The following VGLL4 variants were observed in gnomAD, a reference collection of about 807,000 sequenced individuals.
The protein encoded by VGLL4 is transcription cofactor vestigial-like protein 4.
In VGLL4, 7 loss-of-function variants were observed where a neutral mutation model predicts 21.0. The ratio of observed to expected loss-of-function variants is 0.33; its 90% confidence interval spans 0.19 to 0.63. The LOEUF (loss-of-function observed/expected upper bound fraction) is 0.63, where lower values mean the gene tolerates loss of function less well. VGLL4 is among the 20% of genes least tolerant of loss of function. VGLL4 has a pLI of 0.78. For synonymous variants in VGLL4, 222 were observed against 173.2 expected, an observed-to-expected ratio of 1.28 and a Z score of -2.21; for missense variants, 394 against 425.7, an observed-to-expected ratio of 0.93 and a Z score of 0.66.
chr3:11,605,047 C>CA (rs1277939157), intron 1 of VGLL4, among the ~76,000 whole-genome samples: 5,969 of 100,942 alleles, frequency 0.059, 777 homozygotes, highest in Non-Finnish European at 0.089. Flanking sequence ...CCGCCACGCC[C>CA]CCGCCCACCC....
At chr3:11,571,567 C>T (rs776222222) in intron 2 of VGLL4, among the ~76,000 whole-genome samples, 1 of 152,012 alleles carries the variant, frequency 6.6e-6, no homozygotes, top group African/African-American at 2.4e-5. Flanking sequence ...GTAATCCCAG[C>T]TACTCAGGAG....
At chr3:11,661,271 A>G (rs1167116544) in intron 2 of VGLL4, among the ~76,000 whole-genome samples, 1 of 152,134 alleles carries the variant, frequency 6.6e-6, no homozygotes, top group Non-Finnish European at 1.5e-5. Flanking sequence ...ATCCACATTG[A>G]AAACTGAGTC....
chr3:11,718,781 C>A (rs1422795007), intron 1 of VGLL4, among the ~76,000 whole-genome samples: 1 of 152,120 alleles, frequency 6.6e-6, no homozygotes, highest in Non-Finnish European at 1.5e-5. Flanking sequence ...CACTTCCCCA[C>A]ACCCCTACCC....
intron 2 of VGLL4, among the ~76,000 whole-genome samples, chr3:11,566,902 A>G (rs2073559424): frequency 6.6e-6 from 1 of 152,198 alleles, no homozygotes; most frequent in African/African-American, 2.4e-5. Context: ...AATGAAGAGA[A>G]GCAGCATATG....
chr3:11,581,092 ACTCTTT>A (rs1264668796), intron 2 of VGLL4, among the ~76,000 whole-genome samples: 1 of 149,900 alleles, frequency 6.7e-6, no homozygotes, highest in Non-Finnish European at 1.5e-5. Context: ...AAAAAAGATA[ACTCTTT>A]CTCTGTCGCC....
At chr3:11,573,348 AAAG>A (rs2073922853) in intron 2 of VGLL4, among the ~76,000 whole-genome samples, 2 of 97,298 alleles carry the variant, frequency 2.1e-5, no homozygotes, top group East Asian at 3.4e-4. Context: ...AGAAAGAAAG[AAAG>A]AAAGAAAGAA....
upstream of VGLL4, among the ~76,000 whole-genome samples, chr3:11,645,618 A>T (rs943511390): frequency 6.7e-6 from 1 of 148,782 alleles, no homozygotes; most frequent in African/African-American, 2.5e-5. Flanking sequence ...AAAAAAAAAA[A>T]TCCAGCAATA....
chr3:11,709,509 G>A (rs916090569), intron 1 of VGLL4, among the ~76,000 whole-genome samples: 2 of 150,162 alleles, frequency 1.3e-5, no homozygotes, highest in Non-Finnish European at 3.0e-5. Context: ...ACCAGTTTCT[G>A]GTCTATCTAT....
rs777903359 is a variant in VGLL4 at position 11,568,647 on chromosome 3, C to G, written c.273-3628G>C. ...CTGGTTCCCGGAGCTTCAAGACAGA[C>G]ATTGTTTTCCAGGCCCCGCTCGCCC... On this transcript the variant is annotated intron_variant, in intron 2 of 4. Coordinates refer to ENST00000430365, the MANE Select transcript of VGLL4 (RefSeq NM_001128219.3). This position sits in a 1 kb window ranked among gnomAD's most constrained non-coding sequence, Gnocchi z 5.9. The G allele has an allele frequency of 1.3e-6, 2 of 1,566,636 alleles. No homozygotes were observed. Among genetic ancestry groups the G allele is most frequent in the South Asian group, 2.3e-5 (2 of 85,264 alleles).
At chr3:11,570,002 T>A (rs1253008029) in intron 2 of VGLL4, among the ~76,000 whole-genome samples, 1 of 152,144 alleles carries the variant, frequency 6.6e-6, no homozygotes, top group Non-Finnish European at 1.5e-5. Context: ...CTCTGCTAAT[T>A]TACTACAGCT....
At chr3:11,697,162 G>A (rs541631477) in intron 2 of VGLL4, among the ~76,000 whole-genome samples, 37 of 152,188 alleles carry the variant, frequency 2.4e-4, no homozygotes, top group African/African-American at 7.9e-4. Flanking sequence ...GGGCAGTGGC[G>A]CAATCACAGC....
At chr3:11,604,186 G>C (rs2125271633) in intron 1 of VGLL4, 1 of 196,266 alleles carries the variant, frequency 5.1e-6, no homozygotes, top group South Asian at 1.8e-4. Flanking sequence ...CCTCCACCAG[G>C]TCCCGGGGAG....
chr3:11,630,006 A>T (rs1312346818), intron 1 of VGLL4, among the ~76,000 whole-genome samples: 1 of 152,190 alleles, frequency 6.6e-6, no homozygotes, highest in Non-Finnish European at 1.5e-5. Context: ...CTTCTGTGCC[A>T]CGTTGGTGTT....
chr3:11,567,098 G>C (rs577252179), intron 2 of VGLL4, among the ~76,000 whole-genome samples: 1 of 152,074 alleles, frequency 6.6e-6, no homozygotes, highest in East Asian at 1.9e-4. Flanking sequence ...GTGCAGCCTC[G>C]GCTGTGATGT....
chr3:11,646,475 A>G (rs1289400311), upstream of VGLL4, among the ~76,000 whole-genome samples: 1 of 152,174 alleles, frequency 6.6e-6, no homozygotes, highest in East Asian at 1.9e-4. Context: ...CTGAGGTGGG[A>G]ACCAGCAGCA....
At chr3:11,640,460 C>T (rs187508914) in intron 1 of VGLL4, among the ~76,000 whole-genome samples, 5 of 152,072 alleles carry the variant, frequency 3.3e-5, no homozygotes, top group Non-Finnish European at 7.3e-5. Flanking sequence ...TTGCTGAGTA[C>T]GGTAGTAATA....
intron 1 of VGLL4, among the ~76,000 whole-genome samples, chr3:11,714,775 T>C (rs1575557738): frequency 6.6e-6 from 1 of 152,144 alleles, no homozygotes; most frequent in African/African-American, 2.4e-5. Flanking sequence ...TGTGAATAGT[T>C]AGTATTTCCT....
chr3:11,665,115 T>C (rs949872541), intron 2 of VGLL4, among the ~76,000 whole-genome samples: 9 of 128,452 alleles, frequency 7.0e-5, no homozygotes, highest in East Asian at 2.2e-4. Flanking sequence ...TTTTTTTTTT[T>C]TTTTTTTTTT....
At chr3:11,563,736 C>A (rs113039449) in intron 3 of VGLL4, among the ~76,000 whole-genome samples, 1 of 152,208 alleles carries the variant, frequency 6.6e-6, no homozygotes, top group Non-Finnish European at 1.5e-5. Context: ...TCTGGTACCC[C>A]CTGGCACACA....
Sources: gnomAD v4.1 joint callset for allele counts (sites outside exome capture counted in the v4.1 genomes callset) on GRCh38, gnomAD v4.1.1 for gene constraint, Gnocchi (gnomAD v3.1) non-coding constraint, MANE v1.5 for transcripts, NCBI Gene and HGNC (gene_info 2026-07-23, HGNC 2026-07-21) for gene names.